Variants in COP1 observed in about 807,000 individuals in gnomAD.
COP1 encodes the protein E3 ubiquitin-protein ligase COP1.
COP1 carries 24 observed loss-of-function variants against 101.3 expected under a neutral mutation model. The ratio of observed to expected loss-of-function variants is 0.24; its 90% CI spans 0.17 to 0.33. COP1 has a LOEUF of 0.33. COP1 is among the 10% of genes least tolerant of loss of function. COP1 has a pLI of 1.00. For missense variants in COP1, 663 were observed against 906.2 expected (o/e 0.73, Z 3.45); for synonymous variants, 347 against 341.9 (o/e 1.01, Z -0.17).
intron 18 of COP1, among the ~76,000 whole-genome samples, chr1:175,976,061 TTAG>T (rs1446336797): frequency 3.0e-5 from 1 of 33,780 alleles, no homozygotes; most frequent in Admixed American, 5.0e-4. Flanking sequence ...AGATGTAGAA[TTAG>T]AAGGTCTCAA....
At chr1:176,057,483 C>A (rs934815918) in intron 11 of COP1, among the ~76,000 whole-genome samples, 2 of 152,188 alleles carry the variant, frequency 1.3e-5, no homozygotes, top group Non-Finnish European at 2.9e-5. Context: ...TGCAGGCGCG[C>A]GCCGCCACGC....
chr1:176,050,287 C>T (rs1174064757), intron 11 of COP1, among the ~76,000 whole-genome samples: 1 of 152,134 alleles, frequency 6.6e-6, no homozygotes, highest in Non-Finnish European at 1.5e-5. Context: ...AGCAGCAAGG[C>T]AAGAAACTGC....
chr1:176,045,413 G>A (rs1183736209), intron 12 of COP1, among the ~76,000 whole-genome samples: 1 of 151,986 alleles, frequency 6.6e-6, no homozygotes, highest in Non-Finnish European at 1.5e-5. Context: ...TACAAAGACT[G>A]TAACAAACAT....
chr1:176,080,386 C>A (rs990164709), intron 11 of COP1, among the ~76,000 whole-genome samples: 1 of 151,872 alleles, frequency 6.6e-6, no homozygotes, highest in East Asian at 1.9e-4. Context: ...GCAAATTAAA[C>A]CCTCAAAAAG....
intron 1 of COP1, among the ~76,000 whole-genome samples, chr1:176,197,550 G>A (rs186006204): frequency 6.6e-6 from 1 of 152,016 alleles, no homozygotes; most frequent in African/African-American, 2.4e-5. Context: ...ATTTTGTTAC[G>A]GCAGCCCAAG....
chr1:176,126,914 A>G (rs1688079517), intron 8 of COP1, among the ~76,000 whole-genome samples: 1 of 152,216 alleles, frequency 6.6e-6, no homozygotes, highest in Admixed American at 6.5e-5. Context: ...ACAGTTTTAT[A>G]ATTTTAAATT....
intron 15 of COP1, among the ~76,000 whole-genome samples, chr1:175,993,271 A>G (rs990857293): frequency 5.9e-5 from 9 of 152,226 alleles, no homozygotes; most frequent in Non-Finnish European, 1.0e-4. Context: ...GACCAAAAGT[A>G]GATAAAACCA....
At chr1:175,987,483 T>A (rs1365980130) in intron 17 of COP1, among the ~76,000 whole-genome samples, 1 of 152,150 alleles carries the variant, frequency 6.6e-6, no homozygotes, top group African/African-American at 2.4e-5. Context: ...GAATCTTAAA[T>A]TACATTTAGG....
At chr1:176,022,741 C>T (rs1021316347) in intron 15 of COP1, among the ~76,000 whole-genome samples, 1 of 137,154 alleles carries the variant, frequency 7.3e-6, no homozygotes. Context: ...TGCTTCAGAC[C>T]GAGGAAAATT....
chr1:176,131,493 C>T (rs1047633716), intron 8 of COP1, among the ~76,000 whole-genome samples: 1 of 151,650 alleles, frequency 6.6e-6, no homozygotes, highest in Non-Finnish European at 1.5e-5. Flanking sequence ...AGTGACCTGA[C>T]ATATAATAAA....
chr1:176,163,918 A>T (rs1049613812), intron 3 of COP1, 27 bp from the exon 4 acceptor site: 1 of 1,478,648 alleles, frequency 6.8e-7, no homozygotes, highest in African/African-American at 1.4e-5. Flanking sequence ...AATAAAAAGC[A>T]CACATAATTT....
rs145088823 is a variant in COP1 at position 176,086,330 on chromosome 1, A to T, written c.1027-440T>A. On this transcript the variant is annotated intron_variant, in intron 9 of 19. Transcript: ENST00000367669. ...AAGCTCTACCTCCCAGTTTCTCGAC[A>T]TTCTCCTGCCTCAGCCTCCCAAGTA... 5.9e-3 allele frequency among the ~76,000 whole-genome samples: 885 copies of T among 149,936 alleles called. 12 individuals are homozygous for T. Among genetic ancestry groups the T allele is most frequent in the African/African-American group, 0.021 (849 of 40,710 alleles).
At chr1:176,150,049 A>G (rs965375537) in intron 5 of COP1, among the ~76,000 whole-genome samples, 4 of 152,210 alleles carry the variant, frequency 2.6e-5, no homozygotes, top group African/African-American at 9.6e-5. Flanking sequence ...GATTTTTAAA[A>G]TTCTGATCCT....
intron 3 of COP1, among the ~76,000 whole-genome samples, chr1:176,172,818 A>G (rs1696286521): frequency 6.6e-6 from 1 of 152,252 alleles, no homozygotes; most frequent in South Asian, 2.1e-4. Context: ...CTCTGAGCCA[A>G]CAGGAGACAG....
intron 9 of COP1, chr1:176,100,472 C>T (rs1683220189): frequency 6.6e-6 from 1 of 151,240 alleles, no homozygotes; most frequent in Non-Finnish European, 1.5e-5. Context: ...ATTCTACATT[C>T]CTTTGTTATT....
rs1436059229 is a variant in COP1, at chr1:176,132,636, CAT to C, written c.968+2372_968+2373del. 1.1e-3 allele frequency among the ~76,000 whole-genome samples: 49 copies of C among 43,416 alleles called. No individual in the cohort carries two copies. In the South Asian group the frequency reaches 0.011, roughly 10 times the overall value. 28.5% of individuals were successfully genotyped at this position (43,416 alleles called of 152,430 possible). A position where few individuals can be genotyped will look rare whatever the true frequency, so the allele number is the denominator to read the frequency against. ...TATACTATATATACACACATATACA[CAT>C]ATGTACGTATATATACTATATATAC... On this transcript the variant is annotated intron_variant, in intron 8 of 19. Coordinates refer to ENST00000367669, the MANE Select transcript of COP1 (RefSeq NM_022457.7).
intron 18 of COP1, among the ~76,000 whole-genome samples, chr1:175,951,593 G>A (rs1179803470): frequency 6.6e-6 from 1 of 151,814 alleles, no homozygotes; most frequent in Non-Finnish European, 1.5e-5. Context: ...TGATCTTTGA[G>A]AGAAAAGAAA....
intron 9 of COP1, among the ~76,000 whole-genome samples, chr1:176,107,598 T>C (rs889732041): frequency 6.6e-6 from 1 of 152,176 alleles, no homozygotes; most frequent in Admixed American, 6.5e-5. Context: ...CTAATAAATG[T>C]GGAAGATATA....
rs1212803591 is a variant in COP1 at position 176,173,986 on chromosome 1, C to CA, written c.565+1923dup. Among the ~76,000 whole-genome samples the CA allele has an allele frequency of 3.9e-3, 193 of 49,052 alleles. 6 individuals are homozygous for CA. Among genetic ancestry groups the CA allele is most frequent in the African/African-American group, 0.012 (180 of 14,960 alleles). 32.2% of individuals were successfully genotyped at this position (49,052 alleles called of 152,430 possible). On this transcript the variant is annotated intron_variant, in intron 3 of 19. Transcript: ENST00000367669. Reference sequence around the variant, plus strand: ...TGGGCAACAGAGTGAGATGCTGTCTCAAAAAAAAAAAAAAAAAAAAAAGAG... The same window carrying CA: ...TGGGCAACAGAGTGAGATGCTGTCTCAAAAAAAAAAAAAAAAAAAAAAAGAG...
Sources: gnomAD v4.1 joint callset for allele counts (sites outside exome capture counted in the v4.1 genomes callset) on GRCh38, gnomAD v4.1.1 for gene constraint, MANE v1.5 for transcripts, NCBI Gene and HGNC (gene_info 2026-07-23, HGNC 2026-07-21) for gene names.